PALLD: variants seen among roughly 807,000 people sequenced by gnomAD.
The protein encoded by PALLD is palladin.
A neutral mutation model predicts 123.5 loss-of-function variants in PALLD; 61 were observed. That is an observed-to-expected ratio of 0.49 (90% CI 0.40 to 0.61). PALLD has a LOEUF of 0.61. Among genes scored for constraint, PALLD ranks in the 20% least tolerant of loss-of-function variants. The pLI is 0.00. For synonymous variants in PALLD, 465 were observed against 496.4 expected, an observed-to-expected ratio of 0.94 and a Z score of 0.84; for missense variants, 1,273 against 1,377.0, an observed-to-expected ratio of 0.92 and a Z score of 1.20.
At position 168,511,721 on chromosome 4, in the gene PALLD, G is replaced by C; in HGVS notation, c.217G>C (p.Ala73Pro). 1 of 1,614,168 alleles carries C rather than the reference G, an allele frequency of 6.2e-7. No homozygotes were observed. The highest frequency in any genetic ancestry group is 8.5e-7 in the Non-Finnish European group (1 of 1,180,022). Residue 73 changes from alanine (A) to proline (P), a missense_variant, in exon 2 of 22, where the codon GCA (alanine) becomes CCA (proline). By Grantham distance (27) the Ala-to-Pro change is conservative. Transcript: ENST00000505667. ...CTCGCAGATTTTCAGTACTTCTCCT[G>C]CAAGCCTCTGTGAACATCCTTCCCA... is the stretch of plus-strand genomic sequence containing the variant. ...EISQIFSTSP[A>P]SLCEHPSHKE... is the part of the protein sequence containing the mutation.
At chr4:168,896,861 C>T (rs944896279) in intron 13 of PALLD, among the ~76,000 whole-genome samples, 20 of 151,878 alleles carry the variant, frequency 1.3e-4, no homozygotes, top group African/African-American at 2.4e-4. Flanking sequence ...GATGGAGTTT[C>T]GCTCTTGTTG....
At chr4:168,594,600 G>T (rs562010560) in intron 2 of PALLD, among the ~76,000 whole-genome samples, 1 of 152,248 alleles carries the variant, frequency 6.6e-6, no homozygotes, top group South Asian at 2.1e-4. Flanking sequence ...TTGTTCATGT[G>T]ATATTGGGTC....
At chr4:168,647,508 G>T (rs1040466137) in intron 2 of PALLD, among the ~76,000 whole-genome samples, 1 of 152,094 alleles carries the variant, frequency 6.6e-6, no homozygotes, top group African/African-American at 2.4e-5. Context: ...GTGGCCGGGC[G>T]TGTAGCTCAT....
At chr4:168,691,341 A>C (rs1188408866) in intron 8 of PALLD, 49 bp downstream of exon 8, 15 of 1,502,632 alleles carry the variant, frequency 1.0e-5, no homozygotes, top group Non-Finnish European at 1.3e-5. Context: ...GGAGCAGATA[A>C]TGTATCTTTT....
intron 18 of PALLD, among the ~76,000 whole-genome samples, chr4:168,922,233 A>G: frequency 6.6e-6 from 1 of 152,100 alleles, no homozygotes; most frequent in East Asian, 1.9e-4. Context: ...TTGTGTAGGT[A>G]AATTCTGTAA....
intron 2 of PALLD, among the ~76,000 whole-genome samples, chr4:168,553,712 C>T (rs909689162): frequency 7.9e-5 from 12 of 151,762 alleles, no homozygotes; most frequent in African/African-American, 2.7e-4. Flanking sequence ...TTGTTGTTGG[C>T]CTTGCTTTGT....
intron 1 of PALLD, among the ~76,000 whole-genome samples, chr4:168,501,233 G>A (rs1761364873): frequency 6.6e-6 from 1 of 152,070 alleles, no homozygotes; most frequent in Non-Finnish European, 1.5e-5. Flanking sequence ...GCAATGAAAG[G>A]AGACCCTATC....
intron 10 of PALLD, among the ~76,000 whole-genome samples, chr4:168,730,804 T>C (rs1787096218): frequency 6.6e-6 from 1 of 152,130 alleles, no homozygotes; most frequent in Non-Finnish European, 1.5e-5. Flanking sequence ...GGGTTGGCTT[T>C]TATCATTTAG....
chr4:168,625,027 T>A (rs990523720), intron 2 of PALLD, among the ~76,000 whole-genome samples: 5 of 152,028 alleles, frequency 3.3e-5, no homozygotes, highest in Admixed American at 3.3e-4. Flanking sequence ...CAAACAGGAA[T>A]AAGAGTTTCT....
At chr4:168,535,264 G>T (rs2149491518) in intron 2 of PALLD, among the ~76,000 whole-genome samples, 1 of 152,260 alleles carries the variant, frequency 6.6e-6, no homozygotes, top group South Asian at 2.1e-4. Context: ...ATTTTTTAAA[G>T]TATTTTAAGG....
chr4:168,625,617 A>T (rs1180920789), intron 2 of PALLD, among the ~76,000 whole-genome samples: 1 of 149,198 alleles, frequency 6.7e-6, no homozygotes, highest in Non-Finnish European at 1.5e-5. Flanking sequence ...TTGAACAGAC[A>T]TTCCTCCAAA....
intron 10 of PALLD, among the ~76,000 whole-genome samples, chr4:168,767,080 C>T (rs1351244123): frequency 6.6e-6 from 1 of 152,166 alleles, no homozygotes; most frequent in African/African-American, 2.4e-5. Context: ...AAATTATGGT[C>T]CCTAGAATTG....
At chr4:168,561,221 A>G (rs1165159263) in intron 2 of PALLD, among the ~76,000 whole-genome samples, 3 of 151,988 alleles carry the variant, frequency 2.0e-5, no homozygotes, top group Admixed American at 1.3e-4. Context: ...CAGATACACT[A>G]CCTAATAAGG....
At chr4:168,550,681 C>T (rs1269595220) in intron 2 of PALLD, among the ~76,000 whole-genome samples, 1 of 152,114 alleles carries the variant, frequency 6.6e-6, no homozygotes, top group Admixed American at 6.5e-5. Context: ...GCTAATCAAG[C>T]TGGGCACTCA....
intron 10 of PALLD, among the ~76,000 whole-genome samples, chr4:168,726,064 C>A (rs1014269553): frequency 1.6e-4 from 24 of 152,192 alleles, no homozygotes; most frequent in African/African-American, 5.3e-4. Flanking sequence ...GATAGGATTA[C>A]TCATGATGAA....
At chr4:168,761,645 G>GTTTTTTTTTTTTTTTTTTGTTTTT (rs1732880990) in intron 10 of PALLD, among the ~76,000 whole-genome samples, 2 of 88,024 alleles carry the variant, frequency 2.3e-5, no homozygotes, top group Non-Finnish European at 4.4e-5. Context: ...GTTGTTGTTT[G>GTTTTTTTTTTTTTTTTTTGTTTTT]TTTTTTTTTT....
rs147504799 is a variant in PALLD, at chr4:168,553,686, TTTGTTG to T, written c.908+41293_908+41298del. Among the ~76,000 whole-genome samples, 323 of 151,876 alleles carry T rather than the reference TTTGTTG, an allele frequency of 2.1e-3. 3 individuals carry two copies. The highest frequency in any genetic ancestry group is 7.3e-3 in the African/African-American group (301 of 41,442). On this transcript the variant is annotated intron_variant, in intron 2 of 21. Transcript: ENST00000505667. ...AGACATGCAGATATGTTTACCCATT[TTTGTTG>T]TTGTTGTTGTTGTTGTTGGCCTTGC... is the stretch of plus-strand genomic sequence containing the variant.
intron 10 of PALLD, among the ~76,000 whole-genome samples, chr4:168,798,119 G>A (rs771625467): frequency 1.3e-5 from 2 of 152,172 alleles, no homozygotes; most frequent in Non-Finnish European, 2.9e-5. Context: ...TGCAATGTAA[G>A]GAAATGTGGA....
At chr4:168,902,668 A>G (rs1047215875) in intron 14 of PALLD, among the ~76,000 whole-genome samples, 10 of 152,186 alleles carry the variant, frequency 6.6e-5, no homozygotes, top group African/African-American at 2.4e-4. Flanking sequence ...ACAAAACCTT[A>G]GAACTCGGAC....
Sources: gnomAD v4.1 joint callset for allele counts (sites outside exome capture counted in the v4.1 genomes callset) on GRCh38, gnomAD v4.1.1 for gene constraint, MANE v1.5 for transcripts, NCBI Gene and HGNC (gene_info 2026-07-23, HGNC 2026-07-21) for gene names.